NUDCD3: variants seen among roughly 807,000 people sequenced by gnomAD.
NUDCD3 encodes nudC domain-containing protein 3.
In NUDCD3, 13 loss-of-function variants were observed where a neutral mutation model predicts 39.7. The ratio of observed to expected loss-of-function variants is 0.33; its 90% CI spans 0.21 to 0.52. The LOEUF (loss-of-function observed/expected upper bound fraction) is 0.52. Among genes scored for constraint, NUDCD3 ranks in the 20% least tolerant of loss-of-function variants. The probability of loss-of-function intolerance (pLI) is 0.96; values close to 1 mark genes in which losing one functional copy is unlikely to be tolerated. For missense variants in NUDCD3, 453 were observed against 458.1 expected (o/e 0.99, Z 0.10); for synonymous variants, 175 against 172.4 (o/e 1.02, Z -0.12).
chr7:44,430,983 G>C (rs1799353380), intron 2 of NUDCD3, among the ~76,000 whole-genome samples: 1 of 152,192 alleles, frequency 6.6e-6, no homozygotes, highest in Non-Finnish European at 1.5e-5. Flanking sequence ...CTCTTGCATG[G>C]AACCTGCAGA....
chr7:44,459,014 G>A (rs1191060703), intron 2 of NUDCD3, among the ~76,000 whole-genome samples: 2 of 151,386 alleles, frequency 1.3e-5, no homozygotes, highest in Non-Finnish European at 2.9e-5. Context: ...GCATGTGTAT[G>A]AGCCTGGAGA....
chr7:44,456,602 C>T (rs902945069), intron 2 of NUDCD3, among the ~76,000 whole-genome samples: 3 of 152,070 alleles, frequency 2.0e-5, no homozygotes, highest in African/African-American at 7.2e-5. Context: ...GGCCTCATCT[C>T]TACTTTAGCT....
rs1453750841 is a variant in NUDCD3 at position 44,380,899 on chromosome 7, T to C, written c.*5112A>G. 1 of 152,344 alleles carries C rather than the reference T, an allele frequency of 6.6e-6. No homozygotes were observed. Among genetic ancestry groups the C allele is most frequent in the African/African-American group, 2.4e-5 (1 of 41,468 alleles). The allele number at this position is 152,344 out of a possible 1,614,324, so 9.4% of individuals were successfully genotyped here. ...TGGTAGACCCTTACCTGCCTGTGTC[T>C]TGCACAAAGTGCACACTGGGAGGCA... is the stretch of plus-strand genomic sequence containing the variant. On this transcript the variant is annotated 3_prime_UTR_variant, in exon 6 of 6. Coordinates refer to ENST00000355451, the MANE Select transcript of NUDCD3 (RefSeq NM_015332.4).
At chr7:44,481,013 T>C (rs916467171) in intron 2 of NUDCD3, among the ~76,000 whole-genome samples, 6 of 150,350 alleles carry the variant, frequency 4.0e-5, no homozygotes, top group African/African-American at 1.5e-4. Context: ...TTGTCTGTGC[T>C]GAACATGTAC....
intron 1 of NUDCD3, 24 bp downstream of exon 1, chr7:44,490,385 A>G (rs1379705884): frequency 1.3e-5 from 20 of 1,517,434 alleles, no homozygotes; most frequent in Non-Finnish European, 1.8e-5. Context: ...GCGGCTCCCC[A>G]GACCGCAGGC....
chr7:44,426,143 T>C, intron 3 of NUDCD3: 5 of 985,460 alleles, frequency 5.1e-6, no homozygotes, highest in Non-Finnish European at 6.0e-6. Flanking sequence ...TCAATGGGTC[T>C]CACCCATGAC....
chr7:44,457,195 AGTAAGGACT>A (rs1276356851), intron 2 of NUDCD3, among the ~76,000 whole-genome samples: 7 of 152,200 alleles, frequency 4.6e-5, no homozygotes, highest in Non-Finnish European at 1.0e-4. Context: ...TTTAACAAAA[AGTAAGGACT>A]GTAGCTCACA....
intron 2 of NUDCD3, among the ~76,000 whole-genome samples, chr7:44,459,362 C>A (rs893881598): frequency 6.6e-6 from 1 of 151,916 alleles, no homozygotes; most frequent in Non-Finnish European, 1.5e-5. Context: ...CCATGCCTGG[C>A]TAATTTTTCA....
At chr7:44,440,496 G>GAAAAA (rs72065068) in intron 2 of NUDCD3, among the ~76,000 whole-genome samples, 36 of 48,398 alleles carry the variant, frequency 7.4e-4, no homozygotes, top group African/African-American at 2.4e-3. Flanking sequence ...CAGAAAAATT[G>GAAAAA]AAAAAAAAAA....
chr7:44,468,563 TCA>T (rs1470582030), intron 2 of NUDCD3, among the ~76,000 whole-genome samples: 2 of 152,164 alleles, frequency 1.3e-5, no homozygotes, highest in African/African-American at 4.8e-5. Context: ...TGTAACAGTT[TCA>T]GAGATTAAAG....
chr7:44,436,529 T>C (rs1165216084), intron 2 of NUDCD3, among the ~76,000 whole-genome samples: 3 of 152,168 alleles, frequency 2.0e-5, no homozygotes, highest in African/African-American at 7.2e-5. Context: ...ATTGCCCCAA[T>C]TTACTCTCAC....
At chr7:44,454,264 G>A (rs987869304) in intron 2 of NUDCD3, among the ~76,000 whole-genome samples, 7 of 152,168 alleles carry the variant, frequency 4.6e-5, no homozygotes, top group African/African-American at 7.2e-5. Flanking sequence ...GCATGAACCC[G>A]TGAGGCGGAG....
chr7:44,427,649 C>A lies in NUDCD3; in HGVS notation c.564G>T (p.Glu188Asp). The A allele has an allele frequency of 3.7e-6, 6 of 1,614,052 alleles. No individual in the cohort carries two copies. The highest frequency in any genetic ancestry group is 5.1e-6 in the Non-Finnish European group (6 of 1,179,966). ...NPDSYNGAVR[E>D]NYTWSQDYTD... ...TATAGTCCTGTGACCAGGTGTAGTT[C>A]TCTCGGACAGCACCATTGTAACTGT... The change falls in exon 3 of 6, where the codon GAG (glutamate) becomes GAT (aspartate). Residue 188 changes from glutamate to aspartate, a missense_variant. By Grantham distance (45) the Glu-to-Asp change is conservative. Coordinates refer to ENST00000355451, the MANE Select transcript of NUDCD3 (RefSeq NM_015332.4).
At chr7:44,398,744 G>A (rs928246150) in intron 4 of NUDCD3, among the ~76,000 whole-genome samples, 49 of 152,196 alleles carry the variant, frequency 3.2e-4, no homozygotes, top group African/African-American at 9.2e-4. Flanking sequence ...GATCGAGACT[G>A]GGCCAATGAG....
intron 2 of NUDCD3, among the ~76,000 whole-genome samples, chr7:44,440,587 C>T (rs1222204054): frequency 7.2e-6 from 1 of 138,584 alleles, no homozygotes; most frequent in Non-Finnish European, 1.5e-5. Context: ...AGTTAGTTTT[C>T]ACAAATATAT....
At chr7:44,463,245 A>G (rs1033995551) in intron 2 of NUDCD3, among the ~76,000 whole-genome samples, 2 of 152,108 alleles carry the variant, frequency 1.3e-5, no homozygotes, top group Admixed American at 6.5e-5. Context: ...CCCCTCCCCA[A>G]AAACACATAT....
chr7:44,443,511 A>G (rs1027603953), intron 2 of NUDCD3, among the ~76,000 whole-genome samples: 1 of 152,038 alleles, frequency 6.6e-6, no homozygotes, highest in Non-Finnish European at 1.5e-5. Flanking sequence ...CCCGGGTTCA[A>G]GCAATTCTCC....
chr7:44,454,058 G>A (rs946362215), intron 2 of NUDCD3, among the ~76,000 whole-genome samples: 3 of 152,090 alleles, frequency 2.0e-5, no homozygotes, highest in Admixed American at 6.5e-5. Flanking sequence ...AAATAATAAA[G>A]GCCGGGCATG....
chr7:44,386,085 C>G lies in NUDCD3; in HGVS notation c.1012G>C (p.Glu338Gln), dbSNP rs1349846297. ...CGCTGGCCTCGGAAGGGAGAACCTT[C>G]AGCATCCCACCCCTTCTTCAGCATC... ...HEMLKKGWDAEGSPFRGQRFD... is the reference protein window; with the variant it reads ...HEMLKKGWDAQGSPFRGQRFD... Residue 338 changes from glutamate (E) to glutamine (Q), a missense_variant, in exon 6 of 6, where the codon GAA becomes CAA. Coordinates refer to ENST00000355451, the MANE Select transcript of NUDCD3 (RefSeq NM_015332.4). 6.2e-7 allele frequency: 1 copy of G among 1,614,102 alleles called. No homozygotes were observed. The highest frequency in any genetic ancestry group is 1.3e-5 in the African/African-American group (1 of 75,038).
Sources: gnomAD v4.1 joint callset for allele counts (sites outside exome capture counted in the v4.1 genomes callset) on GRCh38, gnomAD v4.1.1 for gene constraint, MANE v1.5 for transcripts, NCBI Gene and HGNC (gene_info 2026-07-23, HGNC 2026-07-21) for gene names.